CNBD1: variants seen among roughly 807,000 people sequenced by gnomAD.
The protein encoded by CNBD1 is cyclic nucleotide binding domain containing 1, also known as cyclic nucleotide-binding domain-containing protein 1.
A neutral mutation model predicts 54.4 loss-of-function variants in CNBD1; 71 were observed. The observed-to-expected ratio is 1.30, with a 90% confidence interval of 1.08 to 1.59. CNBD1 has a LOEUF of 1.59. Among genes scored for constraint, CNBD1 ranks in the 40% most tolerant of loss-of-function variants. The pLI is 0.00. For synonymous variants in CNBD1, 182 were observed against 170.7 expected, an observed-to-expected ratio of 1.07 and a Z score of -0.51; for missense variants, 659 against 518.0, an observed-to-expected ratio of 1.27 and a Z score of -2.64.
At chr8:87,422,662 T>C (rs1267659501) in intron 2 of CNBD1, among the ~76,000 whole-genome samples, 1 of 152,154 alleles carries the variant, frequency 6.6e-6, no homozygotes, top group Non-Finnish European at 1.5e-5. Context: ...TACCATGCTG[T>C]TTTGGTTACT....
At chr8:87,368,667 A>G (rs1008420224) in intron 10 of CNBD1, among the ~76,000 whole-genome samples, 3 of 151,928 alleles carry the variant, frequency 2.0e-5, no homozygotes, top group African/African-American at 7.2e-5. Context: ...TGAGAGAGAG[A>G]CAGAGAGAGA....
intron 3 of CNBD1, among the ~76,000 whole-genome samples, chr8:86,909,681 A>T (rs1302721235): frequency 1.3e-5 from 2 of 152,202 alleles, no homozygotes; most frequent in African/African-American, 4.8e-5. Flanking sequence ...GCCTTTGAAC[A>T]TTTACTCAAA....
intron 8 of CNBD1, among the ~76,000 whole-genome samples, chr8:87,299,048 T>C (rs1226137119): frequency 6.6e-6 from 1 of 152,198 alleles, no homozygotes; most frequent in Non-Finnish European, 1.5e-5. Context: ...TAAATCTTCT[T>C]TCTGTTACAT....
chr8:87,199,006 G>A (rs1015797160), intron 4 of CNBD1, among the ~76,000 whole-genome samples: 14 of 152,130 alleles, frequency 9.2e-5, no homozygotes, highest in Non-Finnish European at 1.6e-4. Flanking sequence ...AGGAGCAAGC[G>A]AAAATGTAGA....
intron 3 of CNBD1, among the ~76,000 whole-genome samples, chr8:86,925,558 T>A (rs931561160): frequency 1.4e-5 from 2 of 143,068 alleles, no homozygotes; most frequent in African/African-American, 5.3e-5. Context: ...GGATTGGGGG[T>A]AAAGGCAGTA....
intron 6 of CNBD1, among the ~76,000 whole-genome samples, chr8:87,247,294 G>C (rs1396018896): frequency 6.6e-6 from 1 of 152,066 alleles, no homozygotes; most frequent in Non-Finnish European, 1.5e-5. Context: ...CCCAGTTAAG[G>C]GCTCTTTTCT....
At chr8:87,389,419 C>A (rs1364152679) in intron 2 of CNBD1, among the ~76,000 whole-genome samples, 4 of 152,130 alleles carry the variant, frequency 2.6e-5, no homozygotes, top group African/African-American at 9.7e-5. Flanking sequence ...GATATAAAAT[C>A]AATGTGCAAA....
At chr8:87,362,786 G>T (rs555274697) in intron 10 of CNBD1, among the ~76,000 whole-genome samples, 3 of 152,124 alleles carry the variant, frequency 2.0e-5, no homozygotes, top group East Asian at 3.9e-4. Context: ...TCCAAGTCAG[G>T]TACATATAAC....
chr8:87,320,332 T>C (rs1343718771), intron 8 of CNBD1, among the ~76,000 whole-genome samples: 1 of 152,108 alleles, frequency 6.6e-6, no homozygotes, highest in East Asian at 1.9e-4. Context: ...TTCTACAGTT[T>C]AGTTAAAACA....
intron 10 of CNBD1, among the ~76,000 whole-genome samples, chr8:87,369,216 T>C (rs1810707810): frequency 6.6e-6 from 1 of 152,036 alleles, no homozygotes; most frequent in South Asian, 2.1e-4. Flanking sequence ...TATTTTTCTT[T>C]TACTAGGATT....
intron 4 of CNBD1, among the ~76,000 whole-genome samples, chr8:86,943,491 T>A (rs1447812693): frequency 6.6e-6 from 1 of 152,008 alleles, no homozygotes; most frequent in East Asian, 1.9e-4. Flanking sequence ...TTCCACTTCA[T>A]GTCAGCAGCT....
rs1193283802 is a variant in CNBD1, at chr8:87,228,501, T to C, written c.578-8418T>C. ...GCAGGTCTGTTGGAGTACCCTGCGG[T>C]GTGAGGTGTCAGTGTGCCCCTGCTG... On this transcript the variant is annotated intron_variant, in intron 5 of 10. Coordinates refer to ENST00000518476, the MANE Select transcript of CNBD1 (RefSeq NM_173538.3). 1.3e-5 allele frequency among the ~76,000 whole-genome samples: 2 copies of C among 149,468 alleles called. 1 individual carries two copies. The highest frequency in any genetic ancestry group is 5.1e-5 in the African/African-American group (2 of 38,968).
chr8:87,328,426 A>C (rs1328363141), intron 8 of CNBD1, among the ~76,000 whole-genome samples: 2 of 151,160 alleles, frequency 1.3e-5, no homozygotes, highest in Non-Finnish European at 3.0e-5. Context: ...AATTTTTTTC[A>C]TAATTTATTG....
At chr8:87,243,155 G>A (rs1035254680) in intron 6 of CNBD1, among the ~76,000 whole-genome samples, 4 of 152,282 alleles carry the variant, frequency 2.6e-5, no homozygotes, top group African/African-American at 9.6e-5. Flanking sequence ...AGTATTTTAT[G>A]CATACTGCCC....
At chr8:86,995,517 C>T (rs1010257805) in intron 4 of CNBD1, among the ~76,000 whole-genome samples, 1 of 152,080 alleles carries the variant, frequency 6.6e-6, no homozygotes, top group African/African-American at 2.4e-5. Flanking sequence ...ATAAAAATCA[C>T]AGAGTTGGAA....
intron 2 of CNBD1, among the ~76,000 whole-genome samples, chr8:86,901,421 G>A (rs79228033): frequency 0.089 from 13,533 of 151,760 alleles, 841 homozygotes; most frequent in African/African-American, 0.18. Flanking sequence ...GAATTGCCTC[G>A]GGCAAACACA....
chr8:87,181,422 C>G (rs1813309036), intron 4 of CNBD1, among the ~76,000 whole-genome samples: 1 of 152,012 alleles, frequency 6.6e-6, no homozygotes, highest in Admixed American at 6.6e-5. Flanking sequence ...GAAATATGGC[C>G]CTGCAAATTA....
At chr8:87,425,100 C>T (rs1250046358) in intron 2 of CNBD1, among the ~76,000 whole-genome samples, 1 of 152,078 alleles carries the variant, frequency 6.6e-6, no homozygotes, top group Non-Finnish European at 1.5e-5. Flanking sequence ...CCCTTTCTTC[C>T]AGTTGATCGC....
At chr8:87,261,829 C>T (rs116579361) in intron 6 of CNBD1, among the ~76,000 whole-genome samples, 5,147 of 152,046 alleles carry the variant, frequency 0.034, 246 homozygotes, top group African/African-American at 0.1. Flanking sequence ...TTGCTTTAAC[C>T]GTTTCTAGTA....
Sources: allele counts gnomAD v4.1 joint callset (sites outside exome capture counted in the v4.1 genomes callset), GRCh38; gene constraint gnomAD v4.1.1; transcripts MANE v1.5; gene names NCBI Gene and HGNC (gene_info 2026-07-23, HGNC 2026-07-21).